ADAMTS13: variants seen among roughly 807,000 people sequenced by gnomAD.
ADAMTS13 encodes the protein A disintegrin and metalloproteinase with thrombospondin motifs 13.
Under a neutral mutation model 155.1 loss-of-function variants are expected in ADAMTS13, and 110 were observed. That is an observed-to-expected ratio of 0.71 (90% confidence interval 0.61 to 0.83). ADAMTS13 has a LOEUF of 0.83. Ranked by LOEUF, ADAMTS13 falls within the 40% of genes least tolerant of loss-of-function variation. The pLI is 0.00. For synonymous variants in ADAMTS13, 758 were observed against 756.4 expected (o/e 1.00, Z -0.03); for missense variants, 1,707 against 1,891.7 (o/e 0.90, Z 1.81).
At chr9:133,457,857 C>A in intron 27 of ADAMTS13, 53 bp from the exon 28 acceptor site, 1 of 1,610,414 alleles carries the variant, frequency 6.2e-7, no homozygotes, top group Non-Finnish European at 8.5e-7. Flanking sequence ...TTGTCCTGGC[C>A]TCTGGCACCA....
chr9:133,436,948 C>G lies in ADAMTS13; in HGVS notation c.1428C>G (p.His476Gln). ...ACCACTGGGGTGCTGCTGTACCACA[C>G]AGCCAAGGTGGGGCCTGCGGAGTGT... ...SFYHWGAAVP[H>Q]SQGDALCRHM... Residue 476 changes from histidine to glutamine, a missense_variant, in exon 12 of 29, where the codon CAC becomes CAG. Physicochemically the swap from His to Gln is conservative, Grantham distance 24. Transcript: ENST00000355699. 6.3e-7 allele frequency: 1 copy of G among 1,597,260 alleles called. No individual in the cohort carries two copies. Among genetic ancestry groups the G allele is most frequent in the Non-Finnish European group, 8.5e-7 (1 of 1,173,440 alleles).
At chr9:133,417,638 GTTTTGAGAAAAGTCT>G (rs1554781947), upstream of ADAMTS13, 1 of 1,613,748 alleles carries the variant, frequency 6.2e-7, no homozygotes, top group East Asian at 2.2e-5. Flanking sequence ...GCGCCTTCCA[GTTTTGAGAAAAGTCT>G]TCTGGTGCCT....
chr9:133,423,627 G>A (rs908145082), intron 2 of ADAMTS13, among the ~76,000 whole-genome samples: 1 of 152,198 alleles, frequency 6.6e-6, no homozygotes, highest in Non-Finnish European at 1.5e-5. Context: ...TCCGGTGCGA[G>A]CCCCCTTCCC....
At position 133,432,661 on chromosome 9, in the gene ADAMTS13, TC is replaced by T; in HGVS notation, c.1063del (p.Leu355TrpfsTer23). 2 of 1,559,912 alleles carry T rather than the reference TC, an allele frequency of 1.3e-6. No individual in the cohort carries two copies. Among genetic ancestry groups the T allele is most frequent in the South Asian group, 1.2e-5 (1 of 84,730 alleles). ...QSSCSRLLVP[L>X]LDGTECGVEK... is the part of the protein sequence containing the mutation. ...AGCTGCAGCCGCCTCCTCGTTCCTC[TC>T]CTGGATGGGACAGAATGTGGCGTGG... On this transcript the variant is annotated frameshift_variant, in exon 9 of 29. Transcript: ENST00000355699. LOFTEE classifies it high-confidence loss of function.
Position 133,438,323 on chromosome 9 carries a change from G to T in ADAMTS13, c.1662G>T (p.Thr554=), listed in dbSNP as rs781897271. ...RCQVCGGDNS[T]CSPRKGSFTA... ...AGGTGTGTGGTGGGGACAACAGCAC[G>T]TGCAGCCCACGGAAGGGCTCTTTCA... Residue 554 remains threonine, a synonymous_variant, in exon 14 of 29, where the codon ACG becomes ACT. Transcript: ENST00000355699. 12 of 1,614,116 alleles carry T rather than the reference G, an allele frequency of 7.4e-6. No individual in the cohort carries two copies. Among genetic ancestry groups the T allele is most frequent in the African/African-American group, 1.3e-5 (1 of 75,050 alleles).
upstream of ADAMTS13, chr9:133,417,900 G>C: frequency 6.6e-7 from 1 of 1,524,718 alleles, no homozygotes; most frequent in Middle Eastern, 2.4e-4. Context: ...GCCTCCCCGG[G>C]CCCGGCGCCC....
chr9:133,448,524 T>TGTCC (rs1231412158), intron 21 of ADAMTS13, 75 bp from the exon 22 acceptor site: 10 of 1,591,370 alleles, frequency 6.3e-6, no homozygotes, highest in Non-Finnish European at 7.7e-6. Context: ...GTGCTAGAGG[T>TGTCC]GTCCAGTGAG....
At chr9:133,422,170 G>A, upstream of ADAMTS13, 5 of 551,028 alleles carry the variant, frequency 9.1e-6, no homozygotes, top group Non-Finnish European at 9.8e-6. Flanking sequence ...GGGTGGGCGT[G>A]CACATCCGGA....
chr9:133,429,995 G>A lies in ADAMTS13; in HGVS notation c.881G>A (p.Gly294Glu). The part of the protein sequence containing the change: ...DPPRPQPGSA[G>E]HPPDAQPGLY... ...CCGCGGCCTCAACCCGGGTCCGCGGGGCACCCGCCGGATGCGCAGCCTGGC... is the reference window on the plus strand; with the variant it reads ...CCGCGGCCTCAACCCGGGTCCGCGGAGCACCCGCCGGATGCGCAGCCTGGC... The change falls in exon 8 of 29, where the codon GGG (glycine) becomes GAG (glutamate). Residue 294 changes from glycine to glutamate, a missense_variant. This residue lies in a region of ADAMTS13 where 733 missense variants were observed against 749.6 expected (regional missense o/e 0.98). Coordinates refer to ENST00000355699, the MANE Select transcript of ADAMTS13 (RefSeq NM_139027.6). 2 of 1,561,602 alleles carry A rather than the reference G, an allele frequency of 1.3e-6. No homozygotes were observed. Among genetic ancestry groups the A allele is most frequent in the Non-Finnish European group, 1.7e-6 (2 of 1,158,406 alleles).
At chr9:133,455,754 A>G in intron 25 of ADAMTS13, 1 of 1,087,966 alleles carries the variant, frequency 9.2e-7, no homozygotes, top group Non-Finnish European at 1.4e-6. Context: ...CTCCCTGGCA[A>G]AGCAAAACCT....
rs781942882 is a variant in ADAMTS13, at chr9:133,456,604, C to T, written c.3609C>T (p.Asp1203=). 1 of 1,613,164 alleles carries T rather than the reference C, an allele frequency of 6.2e-7. No individual in the cohort carries two copies. The highest frequency in any genetic ancestry group is 1.1e-5 in the South Asian group (1 of 90,808). Residue 1203 remains aspartate (D), a synonymous_variant, in exon 27 of 29, where the codon GAC becomes GAT. Coordinates refer to ENST00000355699, the MANE Select transcript of ADAMTS13 (RefSeq NM_139027.6). This position sits in a 1 kb window ranked among gnomAD's most constrained non-coding sequence, Gnocchi z 4.4. ...GGAAGATGTGCAGGAAGCTGTTGGACATGACTTTCAGCTCCAAGACCAACA... is the reference window on the plus strand; with the variant it reads ...GGAAGATGTGCAGGAAGCTGTTGGATATGACTTTCAGCTCCAAGACCAACA... ...TWRKMCRKLL[D]MTFSSKTNTL...
Position 133,445,172 on chromosome 9 carries a change from G to GT in ADAMTS13, c.2610+120_2610+121insT. The GT allele has an allele frequency of 1.6e-6, 2 of 1,217,534 alleles. No homozygotes were observed. The highest frequency in any genetic ancestry group is 2.3e-6 in the Non-Finnish European group (2 of 867,222). The allele number at this position is 1,217,534 out of a possible 1,614,324, so 75.4% of individuals were successfully genotyped here. A position where few individuals can be genotyped will look rare whatever the true frequency, so the allele number is the denominator to read the frequency against. ...GAGCAAGAACACCATCCTTCTGTGG[G>GT]AATGCTGTCTGAGGGCCACCCCTGC... is the stretch of plus-strand genomic sequence containing the variant. On this transcript the variant is annotated intron_variant, in intron 20 of 28. Transcript: ENST00000355699. This position sits in a 1 kb window ranked among gnomAD's most constrained non-coding sequence, Gnocchi z 5.0.
chr9:133,445,559 C>T lies in ADAMTS13; in HGVS notation c.2611-140C>T. On this transcript the variant is annotated intron_variant, in intron 20 of 28. Coordinates refer to ENST00000355699, the MANE Select transcript of ADAMTS13 (RefSeq NM_139027.6). This position sits in a 1 kb window ranked among gnomAD's most constrained non-coding sequence, Gnocchi z 5.0. ...CTGCGAGACCGGGGAGCCGATCTCG[C>T]CAAGGGAGGAGGGGAGGGAGCCCCT... The T allele has an allele frequency of 2.2e-6, 3 of 1,365,186 alleles. No individual in the cohort carries two copies. Among genetic ancestry groups the T allele is most frequent in the Non-Finnish European group, 3.1e-6 (3 of 973,734 alleles). 84.6% of individuals were successfully genotyped at this position (1,365,186 alleles called of 1,614,324 possible).
At chr9:133,453,086 G>A (rs1554794746) in intron 23 of ADAMTS13, among the ~76,000 whole-genome samples, 2 of 151,988 alleles carry the variant, frequency 1.3e-5, no homozygotes, top group South Asian at 2.1e-4. Context: ...AGGATTGCTT[G>A]AGCCCAGGAG....
chr9:133,435,743 G>A (rs1469808329), intron 11 of ADAMTS13, among the ~76,000 whole-genome samples: 2 of 150,692 alleles, frequency 1.3e-5, no homozygotes, highest in East Asian at 2.0e-4. Context: ...CATGTTAGCC[G>A]GGATGGTCTT....
chr9:133,419,905 ATT>A (rs71503346), upstream of ADAMTS13, among the ~76,000 whole-genome samples: 5 of 117,946 alleles, frequency 4.2e-5, no homozygotes, highest in Admixed American at 8.9e-5. Context: ...TGCCCAGCTA[ATT>A]TTTTTTTTTT....
upstream of ADAMTS13, chr9:133,422,161 G>T (rs947469122): frequency 3.7e-6 from 2 of 536,802 alleles, no homozygotes; most frequent in Admixed American, 3.2e-5. Flanking sequence ...CCTCTAAGGG[G>T]GTGGGCGTGC....
intron 23 of ADAMTS13, among the ~76,000 whole-genome samples, chr9:133,450,961 T>C (rs1028214904): frequency 4.6e-5 from 7 of 152,220 alleles, no homozygotes; most frequent in African/African-American, 1.7e-4. Flanking sequence ...AGCATTCTGA[T>C]GTGGAAGACG....
Position 133,437,819 on chromosome 9 carries a change from C to T in ADAMTS13, c.1506C>T (p.Phe502=). ...TCATCATGAAGCGTGGAGACAGCTT[C>T]CTCGATGGGACCCGGTGTATGCCAA... is the stretch of plus-strand genomic sequence containing the variant. ...ESFIMKRGDS[F]LDGTRCMPSG... The change falls in exon 13 of 29, where the codon TTC becomes TTT. Residue 502 remains phenylalanine (F), a synonymous_variant. Coordinates refer to ENST00000355699, the MANE Select transcript of ADAMTS13 (RefSeq NM_139027.6). 1 of 1,613,996 alleles carries T rather than the reference C, an allele frequency of 6.2e-7. No homozygotes were observed. Among genetic ancestry groups the T allele is most frequent in the Non-Finnish European group, 8.5e-7 (1 of 1,180,044 alleles).
Sources: gnomAD v4.1 joint callset for allele counts (sites outside exome capture counted in the v4.1 genomes callset) on GRCh38, gnomAD v4.1.1 for gene constraint, gnomAD v4.1.1 regional missense constraint, Gnocchi (gnomAD v3.1) non-coding constraint, MANE v1.5 for transcripts, NCBI Gene and HGNC (gene_info 2026-07-23, HGNC 2026-07-21) for gene names.